The following DCC variants were observed in gnomAD, a reference collection of about 807,000 sequenced individuals.
DCC encodes the protein netrin receptor DCC.
Under a neutral mutation model 172.5 loss-of-function variants are expected in DCC, and 58 were observed. The observed-to-expected ratio is 0.34, with a 90% confidence interval of 0.27 to 0.42. The LOEUF is 0.42. DCC is among the 10% of genes least tolerant of loss of function. The pLI is 1.00. For missense variants in DCC, 1,740 were observed against 1,791.0 expected (o/e 0.97, Z 0.51); for synonymous variants, 709 against 644.5 (o/e 1.10, Z -1.52).
intron 1 of DCC, among the ~76,000 whole-genome samples, chr18:52,465,082 C>T (rs1455575675): frequency 6.6e-6 from 1 of 152,122 alleles, no homozygotes; most frequent in Non-Finnish European, 1.5e-5. Context: ...TGTTCTGGGA[C>T]TGCCAGAGCT....
At chr18:52,847,560 G>A (rs1485307311) in intron 2 of DCC, among the ~76,000 whole-genome samples, 2 of 152,122 alleles carry the variant, frequency 1.3e-5, no homozygotes, top group African/African-American at 4.8e-5. Flanking sequence ...CTAGCCAAAC[G>A]ACGGTTCTAT....
chr18:53,010,947 AGTG>A (rs1265033475), intron 5 of DCC, among the ~76,000 whole-genome samples: 2 of 151,284 alleles, frequency 1.3e-5, no homozygotes, highest in African/African-American at 2.4e-5. Flanking sequence ...AAGAACATAA[AGTG>A]GTGGATACTC....
At chr18:52,929,034 GAT>G (rs2040262177) in intron 5 of DCC, among the ~76,000 whole-genome samples, 2 of 152,052 alleles carry the variant, frequency 1.3e-5, no homozygotes, top group South Asian at 4.1e-4. Flanking sequence ...CATGTATCCT[GAT>G]CCAGGCTCCC....
chr18:53,262,382 CT>C (rs1468596624), intron 12 of DCC, among the ~76,000 whole-genome samples: 6 of 152,298 alleles, frequency 3.9e-5, no homozygotes, highest in African/African-American at 1.4e-4. Context: ...TCTGGCATAA[CT>C]TTTTTCTTTC....
At chr18:52,620,199 A>C (rs1265123705) in intron 1 of DCC, among the ~76,000 whole-genome samples, 1 of 152,160 alleles carries the variant, frequency 6.6e-6, no homozygotes, top group Non-Finnish European at 1.5e-5. Context: ...TTTGGACAAA[A>C]TTTTTCACCT....
At chr18:53,501,920 C>T (rs1353585620) in intron 27 of DCC, among the ~76,000 whole-genome samples, 1 of 152,012 alleles carries the variant, frequency 6.6e-6, no homozygotes, top group Non-Finnish European at 1.5e-5. Flanking sequence ...CCAAAGCTGC[C>T]TAAAACAAAA....
At chr18:53,009,259 T>G (rs2041692143) in intron 5 of DCC, among the ~76,000 whole-genome samples, 1 of 151,964 alleles carries the variant, frequency 6.6e-6, no homozygotes, top group African/African-American at 2.4e-5. Context: ...TTATAAGCTT[T>G]TATTATTTTC....
chr18:52,984,748 T>C lies in DCC; in HGVS notation c.985+59378T>C, dbSNP rs1035202945. Among the ~76,000 whole-genome samples the C allele has an allele frequency of 3.9e-5, 6 of 152,126 alleles. No individual in the cohort carries two copies. In the East Asian group the frequency reaches 1.2e-3, roughly 29 times the overall value. On this transcript the variant is annotated intron_variant, in intron 5 of 28. Coordinates refer to ENST00000442544, the MANE Select transcript of DCC (RefSeq NM_005215.4). ...GTATGATTATCCAATTATGATTCCC[T>C]CCAGAGCTAAGTACTATAATTGGAC...
chr18:53,297,581 G>A (rs1286173666), intron 12 of DCC, among the ~76,000 whole-genome samples: 1 of 152,126 alleles, frequency 6.6e-6, no homozygotes, highest in East Asian at 1.9e-4. Context: ...AAAAATCATT[G>A]CCAGGGTTGC....
chr18:53,306,356 G>A (rs1266797147), intron 13 of DCC, among the ~76,000 whole-genome samples: 1 of 152,142 alleles, frequency 6.6e-6, no homozygotes, highest in East Asian at 1.9e-4. Flanking sequence ...AACAGAATGA[G>A]GCGAGGCTTT....
At chr18:52,527,622 T>C (rs1328925700) in intron 1 of DCC, among the ~76,000 whole-genome samples, 1 of 152,182 alleles carries the variant, frequency 6.6e-6, no homozygotes, top group Admixed American at 6.5e-5. Context: ...AGTATGTATA[T>C]GTTGGAATGA....
chr18:52,828,870 C>A (rs909340839), intron 2 of DCC, among the ~76,000 whole-genome samples: 2 of 152,270 alleles, frequency 1.3e-5, no homozygotes, highest in South Asian at 4.1e-4. Flanking sequence ...TTCCCACTTA[C>A]AATAGGTGAT....
chr18:52,613,830 C>T (rs553579837), intron 1 of DCC, among the ~76,000 whole-genome samples: 11 of 152,228 alleles, frequency 7.2e-5, no homozygotes, highest in South Asian at 2.1e-4. Flanking sequence ...AACGGACACA[C>T]GTTGGGTCCT....
At chr18:53,370,375 G>T (rs936104317) in intron 15 of DCC, among the ~76,000 whole-genome samples, 2 of 151,562 alleles carry the variant, frequency 1.3e-5, no homozygotes, top group African/African-American at 4.8e-5. Context: ...TGCCAATTTG[G>T]TTTATCTTTT....
chr18:52,406,467 A>G (rs577340440), intron 1 of DCC, among the ~76,000 whole-genome samples: 43 of 152,054 alleles, frequency 2.8e-4, no homozygotes, highest in Non-Finnish European at 4.6e-4. Context: ...AACTCAAACA[A>G]ATTTACAAGA....
rs562233542 is a variant in DCC, at chr18:53,086,429, TTTCTTC to T, written c.1261+20279_1261+20284del. Among the ~76,000 whole-genome samples the T allele has an allele frequency of 7.4e-5, 3 of 40,294 alleles. 1 individual carries two copies. In the South Asian group the frequency reaches 1.6e-3, roughly 22 times the overall value. The allele number at this position is 40,294 out of a possible 152,430, so 26.4% of individuals were successfully genotyped here. A position where few individuals can be genotyped will look rare whatever the true frequency, so the allele number is the denominator to read the frequency against. On this transcript the variant is annotated intron_variant, in intron 7 of 28. Transcript: ENST00000442544. ...TTCTTCTTCTTCTTCTTCTTCTTCC[TTTCTTC>T]TTCTTCTTCTTCTTCCTTTCTTCTT...
intron 12 of DCC, among the ~76,000 whole-genome samples, chr18:53,274,995 G>C (rs80116621): frequency 6.6e-6 from 1 of 152,144 alleles, no homozygotes; most frequent in African/African-American, 2.4e-5. Flanking sequence ...CTCAAATCTT[G>C]TCCTCTAGCT....
chr18:53,177,177 T>A (rs1382256481), intron 8 of DCC, among the ~76,000 whole-genome samples: 1 of 139,994 alleles, frequency 7.1e-6, no homozygotes. Context: ...TGGGGACTGT[T>A]GTGGGGTGGG....
chr18:53,244,066 T>G (rs763076587), intron 12 of DCC, among the ~76,000 whole-genome samples: 1 of 152,170 alleles, frequency 6.6e-6, no homozygotes, highest in Non-Finnish European at 1.5e-5. Flanking sequence ...GATATCAGGC[T>G]ATTATACTGC....
Sources: gnomAD v4.1 joint callset for allele counts (sites outside exome capture counted in the v4.1 genomes callset) on GRCh38, gnomAD v4.1.1 for gene constraint, MANE v1.5 for transcripts, NCBI Gene and HGNC (gene_info 2026-07-23, HGNC 2026-07-21) for gene names.